PBX1: variants seen among roughly 807,000 people sequenced by gnomAD.
The protein encoded by PBX1 is PBX homeobox 1.
Under a neutral mutation model 53.4 loss-of-function variants are expected in PBX1, and 6 were observed. That is an observed-to-expected ratio of 0.11 (90% CI 0.06 to 0.22). The LOEUF is 0.22. PBX1 is among the 10% of genes least tolerant of loss of function. The probability of loss-of-function intolerance (pLI) is 1.00; values close to 1 mark genes in which losing one functional copy is unlikely to be tolerated. For synonymous variants in PBX1, 204 were observed against 212.3 expected (o/e 0.96, Z 0.34); for missense variants, 251 against 551.4 (o/e 0.46, Z 5.46).
intron 2 of PBX1, among the ~76,000 whole-genome samples, chr1:164,747,497 G>T (rs1665959574): frequency 6.6e-6 from 1 of 152,072 alleles, no homozygotes; most frequent in Admixed American, 6.6e-5. Flanking sequence ...TTTGTGTTCT[G>T]CTAGATAGAC....
At chr1:164,639,132 G>A (rs557150680) in intron 2 of PBX1, among the ~76,000 whole-genome samples, 1 of 152,258 alleles carries the variant, frequency 6.6e-6, no homozygotes, top group Admixed American at 6.5e-5. Context: ...TAGCAATATC[G>A]GTTTTACAGA....
chr1:164,653,392 T>C (rs750012785), intron 2 of PBX1, among the ~76,000 whole-genome samples: 48 of 151,988 alleles, frequency 3.2e-4, no homozygotes, highest in Non-Finnish European at 2.9e-5. Flanking sequence ...GTATGTAAGA[T>C]ACAATTTTTT....
intron 2 of PBX1, among the ~76,000 whole-genome samples, chr1:164,622,714 T>G (rs990285031): frequency 6.6e-6 from 1 of 152,146 alleles, no homozygotes; most frequent in Non-Finnish European, 1.5e-5. Flanking sequence ...GAATCCAGGC[T>G]TAACCAGCTG....
At chr1:164,567,555 G>A (rs913745942) in intron 2 of PBX1, among the ~76,000 whole-genome samples, 9 of 152,084 alleles carry the variant, frequency 5.9e-5, no homozygotes, top group Admixed American at 2.6e-4. Context: ...TGTTAAGGCA[G>A]AAGTAATGTG....
intron 2 of PBX1, among the ~76,000 whole-genome samples, chr1:164,622,098 T>C (rs949717920): frequency 2.6e-5 from 4 of 152,216 alleles, no homozygotes; most frequent in Non-Finnish European, 5.9e-5. Context: ...GCTGTAATCC[T>C]TGTAAATGCT....
intron 1 of PBX1, chr1:164,560,396 T>G: frequency 2.5e-6 from 1 of 394,600 alleles, no homozygotes; most frequent in South Asian, 1.4e-4. Context: ...CAGCATTCCA[T>G]GCCTTCTTGT....
At chr1:164,835,053 G>A (rs766790710) in intron 8 of PBX1, among the ~76,000 whole-genome samples, 1 of 152,128 alleles carries the variant, frequency 6.6e-6, no homozygotes, top group Admixed American at 6.6e-5. Context: ...TTATGTGGGT[G>A]TAAGAAAGTT....
rs1670081812 is a variant in PBX1, at chr1:164,820,162, T to G, written c.1088T>G (p.Val363Gly). Residue 363 changes from valine (V) to glycine (G), a missense_variant, in exon 7 of 9, where the codon GTT becomes GGT. Transcript: ENST00000420696. ...LNGDSYQGAQ[V>G]GANVQSQVDT... is the part of the protein sequence containing the mutation. Reference sequence around the variant, plus strand: ...GGGGATTCTTACCAAGGGGCCCAGGTTGGAGCCAACGTGCAATCACAGGTA... The same window carrying G: ...GGGGATTCTTACCAAGGGGCCCAGGGTGGAGCCAACGTGCAATCACAGGTA... 1 of 1,612,386 alleles carries G rather than the reference T, an allele frequency of 6.2e-7. No homozygotes were observed. Among genetic ancestry groups the G allele is most frequent in the African/African-American group, 1.3e-5 (1 of 74,848 alleles).
At chr1:164,853,412 C>G (rs897935507), downstream of PBX1, among the ~76,000 whole-genome samples, 2 of 152,166 alleles carry the variant, frequency 1.3e-5, no homozygotes, top group African/African-American at 2.4e-5. Flanking sequence ...CCATCTATAG[C>G]TGTTTCATTG....
chr1:164,836,661 C>A (rs1053901888), intron 8 of PBX1, among the ~76,000 whole-genome samples: 1 of 152,160 alleles, frequency 6.6e-6, no homozygotes, highest in African/African-American at 2.4e-5. Context: ...TCCCCCACCC[C>A]CAAGCCTGGG....
In PBX1 at chr1:164,708,805, C is replaced by G. The variant is rs1663592685; in HGVS notation, c.266-83689C>G. ...AGGAAACTGAGGCTAAAGAAGTAAC[C>G]AAGACAAAGTTAGAAAATGCCAAGT... On this transcript the variant is annotated intron_variant, in intron 2 of 8. Transcript: ENST00000420696. Among the ~76,000 whole-genome samples, 2 of 152,204 alleles carry G rather than the reference C, an allele frequency of 1.3e-5. 1 individual carries two copies. Among genetic ancestry groups the G allele is most frequent in the South Asian group, 4.1e-4 (2 of 4,832 alleles).
intron 2 of PBX1, among the ~76,000 whole-genome samples, chr1:164,778,333 G>A (rs1290626281): frequency 6.6e-6 from 1 of 152,152 alleles, no homozygotes; most frequent in East Asian, 1.9e-4. Flanking sequence ...CAAATACCAT[G>A]TCTGTTTGGT....
chr1:164,877,883 C>T (rs984359074), intron 2 of PBX1, among the ~76,000 whole-genome samples: 1 of 152,182 alleles, frequency 6.6e-6, no homozygotes, highest in East Asian at 1.9e-4. Context: ...ATTCTTCCTA[C>T]CTCTTCTTGC....
downstream of PBX1, among the ~76,000 whole-genome samples, chr1:164,853,582 A>G (rs527551584): frequency 2.0e-5 from 3 of 152,356 alleles, no homozygotes; most frequent in East Asian, 3.9e-4. Flanking sequence ...CTCCACCTCT[A>G]TAGAAATGTA....
intron 3 of PBX1, among the ~76,000 whole-genome samples, chr1:164,793,553 G>T (rs1668628144): frequency 6.6e-6 from 1 of 152,098 alleles, no homozygotes; most frequent in Non-Finnish European, 1.5e-5. Flanking sequence ...TACATGTAGG[G>T]TCTCCCGATT....
At chr1:164,767,446 A>G (rs1368275672) in intron 2 of PBX1, among the ~76,000 whole-genome samples, 2 of 152,104 alleles carry the variant, frequency 1.3e-5, no homozygotes, top group African/African-American at 2.4e-5. Flanking sequence ...GGAGGCATAT[A>G]CATGTGCGGG....
chr1:164,654,773 C>G (rs1463528028), intron 2 of PBX1, among the ~76,000 whole-genome samples: 1 of 152,180 alleles, frequency 6.6e-6, no homozygotes, highest in Non-Finnish European at 1.5e-5. Context: ...TGTAGTCAGT[C>G]AATGGAAGAA....
rs1003236225 is a variant in PBX1 at position 164,850,395 on chromosome 1, ATTATTATGT to A, written c.*3726_*3734del. On this transcript the variant is annotated 3_prime_UTR_variant, in exon 9 of 9. Coordinates refer to ENST00000420696, the MANE Select transcript of PBX1 (RefSeq NM_002585.4). ...GAGCATAATAGGTACAACCTAACAC[ATTATTATGT>A]TTATTAACTTTGAGACCCAGAAATA... 1 of 206,852 alleles carries A rather than the reference ATTATTATGT, an allele frequency of 4.8e-6. No individual in the cohort carries two copies. Among genetic ancestry groups the A allele is most frequent in the African/African-American group, 2.3e-5 (1 of 43,790 alleles). The allele number at this position is 206,852 out of a possible 1,614,324, so 12.8% of individuals were successfully genotyped here. A position where few individuals can be genotyped will look rare whatever the true frequency, so the allele number is the denominator to read the frequency against.
chr1:164,582,075 T>C (rs1654650890), intron 2 of PBX1, among the ~76,000 whole-genome samples: 1 of 152,192 alleles, frequency 6.6e-6, no homozygotes, highest in Non-Finnish European at 1.5e-5. Flanking sequence ...ATGAGGAAAT[T>C]AGAAGAAAAA....
Sources: allele counts gnomAD v4.1 joint callset (sites outside exome capture counted in the v4.1 genomes callset), GRCh38; gene constraint gnomAD v4.1.1; transcripts MANE v1.5; gene names NCBI Gene and HGNC (gene_info 2026-07-23, HGNC 2026-07-21).